The following MGAT5 variants were observed in gnomAD, a reference collection of about 807,000 sequenced individuals.
The protein encoded by MGAT5 is alpha-1,6-mannosylglycoprotein 6-beta-N-acetylglucosaminyltransferase A.
A neutral mutation model predicts 94.3 loss-of-function variants in MGAT5; 30 were observed. The ratio of observed to expected loss-of-function variants is 0.32; its 90% confidence interval spans 0.24 to 0.43. MGAT5 has a LOEUF of 0.43. Ranked by LOEUF, MGAT5 falls within the 20% of genes least tolerant of loss-of-function variation. The probability of loss-of-function intolerance (pLI) is 1.00; values close to 1 mark genes in which losing one functional copy is unlikely to be tolerated. For synonymous variants in MGAT5, 310 were observed against 322.9 expected (o/e 0.96, Z 0.43); for missense variants, 691 against 905.5 (o/e 0.76, Z 3.04).
At chr2:134,167,209 T>C (rs1688002899) in intron 1 of MGAT5, among the ~76,000 whole-genome samples, 1 of 152,230 alleles carries the variant, frequency 6.6e-6, no homozygotes, top group African/African-American at 2.4e-5. Flanking sequence ...GGAAGGATCC[T>C]TACTATTTAA....
At chr2:134,386,360 G>C (rs1165773016) in intron 10 of MGAT5, among the ~76,000 whole-genome samples, 1 of 152,280 alleles carries the variant, frequency 6.6e-6, no homozygotes, top group South Asian at 2.1e-4. Flanking sequence ...ACATGCAAAT[G>C]GGTTGGTGTA....
chr2:134,375,419 G>T (rs987948137), intron 10 of MGAT5, among the ~76,000 whole-genome samples: 1 of 152,158 alleles, frequency 6.6e-6, no homozygotes, highest in African/African-American at 2.4e-5. Flanking sequence ...GGTTCTGTAC[G>T]GTTCTGTGTG....
chr2:134,187,338 A>G (rs1328440422), intron 1 of MGAT5, among the ~76,000 whole-genome samples: 1 of 152,186 alleles, frequency 6.6e-6, no homozygotes, highest in African/African-American at 2.4e-5. Flanking sequence ...AAGGTATGAC[A>G]ATCTTCCAGT....
intron 1 of MGAT5, among the ~76,000 whole-genome samples, chr2:134,259,917 TA>T (rs1268285600): frequency 2.0e-5 from 3 of 152,232 alleles, no homozygotes; most frequent in African/African-American, 7.2e-5. Context: ...AAAATGGTGA[TA>T]GGGTTTAAAA....
chr2:134,193,151 C>G (rs897243820), intron 1 of MGAT5, among the ~76,000 whole-genome samples: 25 of 145,380 alleles, frequency 1.7e-4, no homozygotes, highest in Non-Finnish European at 3.3e-4. Context: ...GAGACAAGGT[C>G]TCGCTATGTT....
intron 4 of MGAT5, among the ~76,000 whole-genome samples, chr2:134,329,622 T>A (rs1325608986): frequency 1.3e-5 from 2 of 152,136 alleles, no homozygotes; most frequent in Admixed American, 6.5e-5. Flanking sequence ...TTTCCATCTT[T>A]AGCTGTATCT....
intron 4 of MGAT5, among the ~76,000 whole-genome samples, chr2:134,335,798 A>G (rs371209101): frequency 4.6e-5 from 7 of 152,216 alleles, no homozygotes; most frequent in African/African-American, 1.7e-4. Context: ...TCCTTTCCAG[A>G]TATGCCACAG....
At chr2:134,183,593 T>C (rs1197608471) in intron 1 of MGAT5, among the ~76,000 whole-genome samples, 1 of 152,254 alleles carries the variant, frequency 6.6e-6, no homozygotes, top group East Asian at 1.9e-4. Flanking sequence ...GCCTGTTTAA[T>C]AGTTGAAGTT....
chr2:134,256,784 CA>C (rs1573628554), intron 1 of MGAT5, among the ~76,000 whole-genome samples: 2 of 152,166 alleles, frequency 1.3e-5, no homozygotes, highest in East Asian at 1.9e-4. Flanking sequence ...GTCTTTTTCT[CA>C]AAAACAACAA....
chr2:134,430,375 T>G (rs1684815969), intron 14 of MGAT5, among the ~76,000 whole-genome samples: 2 of 152,200 alleles, frequency 1.3e-5, no homozygotes, highest in African/African-American at 4.8e-5. Flanking sequence ...TGGGCTTCCT[T>G]TCAAACAGGA....
chr2:134,366,429 G>C (rs1445272871), intron 10 of MGAT5, among the ~76,000 whole-genome samples: 2 of 152,198 alleles, frequency 1.3e-5, no homozygotes. Context: ...ATCCTACTAT[G>C]ATCTTAATAC....
At chr2:134,392,295 A>G (rs1682460324) in intron 10 of MGAT5, among the ~76,000 whole-genome samples, 2 of 152,196 alleles carry the variant, frequency 1.3e-5, no homozygotes, top group South Asian at 4.1e-4. Flanking sequence ...TTATTTTGCT[A>G]TCTTCATGTT....
chr2:134,242,630 A>G (rs138046171), intron 1 of MGAT5, among the ~76,000 whole-genome samples: 162 of 152,302 alleles, frequency 1.1e-3, no homozygotes, highest in African/African-American at 3.7e-3. Flanking sequence ...AATTGATTCT[A>G]TTGTTTTGGG....
chr2:134,188,023 C>T (rs979823788), intron 1 of MGAT5, among the ~76,000 whole-genome samples: 1 of 152,174 alleles, frequency 6.6e-6, no homozygotes, highest in Non-Finnish European at 1.5e-5. Flanking sequence ...TGAAATTTGT[C>T]ACTTTTATTC....
At chr2:134,415,843 A>G (rs1222313465) in intron 12 of MGAT5, among the ~76,000 whole-genome samples, 1 of 152,162 alleles carries the variant, frequency 6.6e-6, no homozygotes, top group Non-Finnish European at 1.5e-5. Flanking sequence ...GTGGAAATCA[A>G]GTTTTCCAAA....
chr2:134,158,446 A>G (rs1237712860), intron 1 of MGAT5, among the ~76,000 whole-genome samples: 1 of 152,214 alleles, frequency 6.6e-6, no homozygotes, highest in Non-Finnish European at 1.5e-5. Context: ...CCAGGTTGCG[A>G]CAGTGCCTAG....
chr2:134,444,638 A>G (rs912775573), intron 15 of MGAT5, among the ~76,000 whole-genome samples: 1 of 152,244 alleles, frequency 6.6e-6, no homozygotes, highest in Admixed American at 6.5e-5. Flanking sequence ...CTGCCTTTGC[A>G]TCTCCAACTT....
intron 14 of MGAT5, among the ~76,000 whole-genome samples, chr2:134,440,665 T>C (rs557523400): frequency 6.6e-6 from 1 of 152,336 alleles, no homozygotes; most frequent in East Asian, 1.9e-4. Context: ...TCATAAAGTC[T>C]ACGATAATCA....
chr2:134,359,101 C>A (rs1168427672), intron 9 of MGAT5, among the ~76,000 whole-genome samples: 1 of 152,156 alleles, frequency 6.6e-6, no homozygotes. Flanking sequence ...TTTGGCAAAT[C>A]TCCTGCAGTT....
Sources: gnomAD v4.1 joint callset for allele counts (sites outside exome capture counted in the v4.1 genomes callset) on GRCh38, gnomAD v4.1.1 for gene constraint, MANE v1.5 for transcripts, NCBI Gene and HGNC (gene_info 2026-07-23, HGNC 2026-07-21) for gene names.